Variants in JARID2 observed in about 807,000 individuals in gnomAD.
JARID2 encodes jumonji and AT-rich interaction domain containing 2.
A neutral mutation model predicts 125.6 loss-of-function variants in JARID2; 21 were observed. The observed-to-expected ratio is 0.17, with a 90% confidence interval of 0.12 to 0.24. The LOEUF (loss-of-function observed/expected upper bound fraction) is 0.24, where lower values mean the gene tolerates loss of function less well. Among genes scored for constraint, JARID2 ranks in the 10% least tolerant of loss-of-function variants. The pLI is 1.00. For missense variants in JARID2, 1,303 were observed against 1,639.6 expected (o/e 0.79, Z 3.55); for synonymous variants, 736 against 661.6 (o/e 1.11, Z -1.73).
At chr6:15,515,921 G>C (rs1771536051) in intron 16 of JARID2, among the ~76,000 whole-genome samples, 1 of 150,594 alleles carries the variant, frequency 6.6e-6, no homozygotes, top group East Asian at 2.0e-4. Context: ...TGTAGTCCCA[G>C]CTACTCGGGA....
At chr6:15,339,202 C>T (rs1040514285) in intron 1 of JARID2, among the ~76,000 whole-genome samples, 2 of 152,130 alleles carry the variant, frequency 1.3e-5, no homozygotes, top group African/African-American at 4.8e-5. Flanking sequence ...CTCAATTATA[C>T]TAAGTTGTCC....
chr6:15,296,727 C>G (rs943905299), intron 1 of JARID2, among the ~76,000 whole-genome samples: 3 of 152,146 alleles, frequency 2.0e-5, no homozygotes, highest in Admixed American at 6.5e-5. Flanking sequence ...TACCCGTGTC[C>G]CTGTAACATG....
At chr6:15,377,309 C>T (rs368861976) in intron 2 of JARID2, among the ~76,000 whole-genome samples, 9 of 152,206 alleles carry the variant, frequency 5.9e-5, no homozygotes, top group South Asian at 2.1e-4. Flanking sequence ...AATGAGATTT[C>T]GTGAGACTTA....
rs769959268 is a variant in JARID2 at position 15,501,208 on chromosome 6, C to A, written c.2247C>A (p.His749Gln). The A allele has an allele frequency of 8.1e-6, 13 of 1,613,910 alleles. No individual in the cohort carries two copies. The Admixed American group carries it at 1.2e-4, about 14-fold the overall frequency. Residue 749 changes from histidine to glutamine, a missense_variant, in exon 8 of 18, where the codon CAC becomes CAA. His to Gln is a conservative substitution (Grantham distance 24, BLOSUM62 0). Coordinates refer to ENST00000341776, the MANE Select transcript of JARID2 (RefSeq NM_004973.4). ...CAGAGAACGACCACCACAAGTTCCA[C>A]CCTCTGCCCCGCTTCGAGCCCAAGA... ...GHTENDHHKF[H>Q]PLPRFEPKNG...
At chr6:15,370,522 T>C (rs1051766271) in intron 1 of JARID2, among the ~76,000 whole-genome samples, 2 of 151,910 alleles carry the variant, frequency 1.3e-5, no homozygotes, top group Admixed American at 6.6e-5. Context: ...TATTTTCTTT[T>C]AGTAGAGACA....
intron 2 of JARID2, among the ~76,000 whole-genome samples, chr6:15,397,493 G>T (rs899118122): frequency 6.6e-6 from 1 of 152,134 alleles, no homozygotes; most frequent in East Asian, 1.9e-4. Flanking sequence ...ACCAACTGGG[G>T]TTGGTCTTGG....
At chr6:15,282,054 A>G (rs1760773720) in intron 1 of JARID2, among the ~76,000 whole-genome samples, 1 of 151,784 alleles carries the variant, frequency 6.6e-6, no homozygotes, top group Non-Finnish European at 1.5e-5. Context: ...AGTTCAGACC[A>G]TTCTTGTGTG....
intron 5 of JARID2, among the ~76,000 whole-genome samples, chr6:15,479,062 C>G (rs981964169): frequency 5.3e-5 from 8 of 152,206 alleles, no homozygotes; most frequent in African/African-American, 1.9e-4. Flanking sequence ...ACCTGCAGTT[C>G]TGTGCTCTTG....
At position 15,246,272 on chromosome 6, in the gene JARID2, CG is replaced by C. The variant is rs1323048332; in HGVS notation, c.-263del. ...TTTTTGTGTGTGTGTGTATGTGTTT[CG>C]GGGGAAATTTTCCATTATGAGTGTT... On this transcript the variant is annotated 5_prime_UTR_variant, in exon 1 of 18. It removes the in-frame stop codon of an upstream open reading frame in the 5' UTR. Coordinates refer to ENST00000341776, the MANE Select transcript of JARID2 (RefSeq NM_004973.4). 6.0e-6 allele frequency: 3 copies of C among 501,420 alleles called. No individual in the cohort carries two copies. Among genetic ancestry groups the C allele is most frequent in the Admixed American group, 3.8e-5 (1 of 26,396 alleles). 31.1% of individuals were successfully genotyped at this position (501,420 alleles called of 1,614,324 possible). A position where few individuals can be genotyped will look rare whatever the true frequency, so the allele number is the denominator to read the frequency against.
chr6:15,400,938 T>C, intron 2 of JARID2: 2 of 1,289,496 alleles, frequency 1.6e-6, no homozygotes, highest in Non-Finnish European at 2.0e-6. Context: ...TCTGCAATGA[T>C]CCGGCTCTGA....
chr6:15,260,543 A>T (rs774337152), intron 1 of JARID2, among the ~76,000 whole-genome samples: 1 of 152,200 alleles, frequency 6.6e-6, no homozygotes, highest in African/African-American at 2.4e-5. Flanking sequence ...AGGTCGGGAA[A>T]TACTTGTCTC....
At chr6:15,323,021 T>C (rs914781327) in intron 1 of JARID2, among the ~76,000 whole-genome samples, 9 of 152,266 alleles carry the variant, frequency 5.9e-5, no homozygotes, top group African/African-American at 2.2e-4. Flanking sequence ...AGCAGCAGGC[T>C]CATTCTAGCA....
At chr6:15,497,291 C>T (rs908068472) in intron 7 of JARID2, 121 bp downstream of exon 7, 5 of 770,180 alleles carry the variant, frequency 6.5e-6, no homozygotes, top group African/African-American at 5.3e-5. Flanking sequence ...TTCCCTGTCT[C>T]GGGAGTAGTG....
intron 1 of JARID2, chr6:15,247,566 A>C: frequency 8.1e-6 from 8 of 983,600 alleles, no homozygotes; most frequent in Non-Finnish European, 9.6e-6. Context: ...AAATGAACAT[A>C]CCTTAGGAAT....
chr6:15,326,219 T>A (rs1484591756), intron 1 of JARID2, among the ~76,000 whole-genome samples: 1 of 152,094 alleles, frequency 6.6e-6, no homozygotes, highest in Non-Finnish European at 1.5e-5. Flanking sequence ...ATCTCAGACA[T>A]TTTTTTGGGG....
chr6:15,271,297 A>G (rs1484039865), intron 1 of JARID2, among the ~76,000 whole-genome samples: 1 of 152,200 alleles, frequency 6.6e-6, no homozygotes, highest in Non-Finnish European at 1.5e-5. Context: ...GCAGCTCCTC[A>G]TTCAGCAGGA....
intron 1 of JARID2, among the ~76,000 whole-genome samples, chr6:15,309,752 C>A (rs1761953182): frequency 6.7e-6 from 1 of 149,900 alleles, no homozygotes. Context: ...GGCAACTAAT[C>A]CACACTGAGG....
At chr6:15,505,171 G>T (rs944960722) in intron 9 of JARID2, 4 of 152,308 alleles carry the variant, frequency 2.6e-5, no homozygotes, top group African/African-American at 9.7e-5. Context: ...CCAGTGCCCA[G>T]CTGAGTCCGT....
chr6:15,324,847 AT>A (rs1024609233), intron 1 of JARID2, among the ~76,000 whole-genome samples: 2 of 148,832 alleles, frequency 1.3e-5, no homozygotes, highest in African/African-American at 5.0e-5. Flanking sequence ...TGGTTTTGTT[AT>A]TAAAAAAAAA....
Sources: gnomAD v4.1 joint callset for allele counts (sites outside exome capture counted in the v4.1 genomes callset) on GRCh38, gnomAD v4.1.1 for gene constraint, MANE v1.5 for transcripts, NCBI Gene and HGNC (gene_info 2026-07-23, HGNC 2026-07-21) for gene names.